Variants in LRRC9 observed in about 807,000 individuals in gnomAD.
The protein encoded by LRRC9 is leucine-rich repeat-containing protein 9.
LRRC9 carries 122 observed loss-of-function variants against 63.2 expected under a neutral mutation model. That is an observed-to-expected ratio of 1.93 (90% CI 1.67 to 2.24). The LOEUF (loss-of-function observed/expected upper bound fraction) is 2.24. Among genes scored for constraint, LRRC9 ranks in the 30% most tolerant of loss-of-function variants. LRRC9 has a pLI of 0.00. For missense variants in LRRC9, 1,071 were observed against 627.7 expected (o/e 1.71, Z -7.55); for synonymous variants, 366 against 213.1 (o/e 1.72, Z -6.25).
chr14:59,950,727 TA>T (rs1883025145), intron 8 of LRRC9, among the ~76,000 whole-genome samples: 2 of 117,780 alleles, frequency 1.7e-5, no homozygotes, highest in Non-Finnish European at 3.4e-5. Context: ...TGCTTGTCTG[TA>T]AAGTATTTTA....
chr14:60,040,589 T>G (rs1035913895), intron 29 of LRRC9, among the ~76,000 whole-genome samples: 5 of 152,034 alleles, frequency 3.3e-5, no homozygotes, highest in Middle Eastern at 3.4e-3. Flanking sequence ...AACCCCTGCA[T>G]TTTTTTGTTT....
chr14:60,047,494 A>T (rs1223986443), intron 29 of LRRC9, among the ~76,000 whole-genome samples: 1 of 152,152 alleles, frequency 6.6e-6, no homozygotes, highest in Non-Finnish European at 1.5e-5. Flanking sequence ...AAAAAAGCAA[A>T]GGTCACAATC....
chr14:59,962,103 T>C lies in LRRC9; in HGVS notation c.1211+1058T>C, dbSNP rs72718034. Among the ~76,000 whole-genome samples, 2,170 of 152,310 alleles carry C rather than the reference T, an allele frequency of 0.014. 30 individuals carry two copies. Among genetic ancestry groups the C allele is most frequent in the Non-Finnish European group, 0.02 (1,349 of 68,020 alleles). Reference sequence around the variant, plus strand: ...CCCCTGATTTCTATTAGACATGGCTTTTTTCTCACCTCTGTGAGTAAAAGC... The same window carrying C: ...CCCCTGATTTCTATTAGACATGGCTCTTTTCTCACCTCTGTGAGTAAAAGC... On this transcript the variant is annotated intron_variant, in intron 10 of 31. Coordinates refer to ENST00000445360, the Ensembl canonical transcript of LRRC9. The surrounding 1 kb of genome is among the most constrained non-coding windows in gnomAD (Gnocchi z 5.1).
chr14:60,058,904 T>C lies in LRRC9; in HGVS notation c.4276+882T>C, dbSNP rs977210537. Among the ~76,000 whole-genome samples the C allele has an allele frequency of 2.6e-5, 4 of 152,226 alleles. No individual in the cohort carries two copies. Among genetic ancestry groups the C allele is most frequent in the Admixed American group, 6.5e-5 (1 of 15,286 alleles). On this transcript the variant is annotated intron_variant, in intron 31 of 31. Coordinates refer to ENST00000445360, the Ensembl canonical transcript of LRRC9. This position sits in a 1 kb window ranked among gnomAD's most constrained non-coding sequence, Gnocchi z 4.4. Reference sequence around the variant, plus strand: ...TATATTTTCTCATTTTTCATACTTATATGGCATTATGACTTCCAGGTTTTA... The same window carrying C: ...TATATTTTCTCATTTTTCATACTTACATGGCATTATGACTTCCAGGTTTTA...
chr14:60,052,986 T>C (rs1293822809), intron 29 of LRRC9, 79 bp from the exon 30 acceptor site: 2 of 582,054 alleles, frequency 3.4e-6, no homozygotes, highest in Non-Finnish European at 6.2e-6. Flanking sequence ...TTGCCTATGC[T>C]AAATTTCCTT....
At chr14:59,943,869 G>C (rs1882055016) in intron 7 of LRRC9, among the ~76,000 whole-genome samples, 1 of 151,866 alleles carries the variant, frequency 6.6e-6, no homozygotes, top group Admixed American at 6.6e-5. Context: ...CAACTTATTC[G>C]CTTTCATTAT....
At chr14:60,055,368 G>A (rs1894192832) in intron 30 of LRRC9, among the ~76,000 whole-genome samples, 1 of 152,146 alleles carries the variant, frequency 6.6e-6, no homozygotes, top group Non-Finnish European at 1.5e-5. Flanking sequence ...TTTCAAAAGA[G>A]AGCAAATGGT....
At chr14:60,040,146 C>G (rs532082858) in intron 29 of LRRC9, among the ~76,000 whole-genome samples, 2 of 151,888 alleles carry the variant, frequency 1.3e-5, no homozygotes, top group African/African-American at 2.4e-5. Context: ...AATTTCTGTT[C>G]TTTTATATTT....
chr14:59,920,087 C>T (rs1888639878), intron 1 of LRRC9, 57 bp from the exon 1 acceptor site: 2 of 152,264 alleles, frequency 1.3e-5, no homozygotes, highest in South Asian at 4.1e-4. Context: ...TTCTCCTCCT[C>T]CCCACCCGGA....
At chr14:59,924,231 A>G (rs1889016488) in intron 1 of LRRC9, among the ~76,000 whole-genome samples, 1 of 152,180 alleles carries the variant, frequency 6.6e-6, no homozygotes, top group South Asian at 2.1e-4. Context: ...AATCCAGTAT[A>G]TAAGGGTTTC....
At chr14:60,023,442 G>A (rs539791370) in intron 27 of LRRC9, among the ~76,000 whole-genome samples, 6 of 151,926 alleles carry the variant, frequency 3.9e-5, no homozygotes, top group African/African-American at 1.2e-4. Flanking sequence ...TTGCAAGCAG[G>A]GGGAGGAGGA....
chr14:60,023,458 G>A (rs1891273325), intron 27 of LRRC9, among the ~76,000 whole-genome samples: 1 of 151,990 alleles, frequency 6.6e-6, no homozygotes, highest in African/African-American at 2.4e-5. Context: ...GAGGAAAAGA[G>A]TCACAGGACA....
intron 26 of LRRC9, among the ~76,000 whole-genome samples, chr14:60,021,914 G>T (rs1891145307): frequency 6.6e-6 from 1 of 151,836 alleles, no homozygotes; most frequent in Admixed American, 6.6e-5. Flanking sequence ...TAAAATCAGT[G>T]ATTTAAGCTC....
At chr14:60,062,229 G>C in intron 31 of LRRC9, 50 bp downstream of exon 32, 3 of 397,814 alleles carry the variant, frequency 7.5e-6, no homozygotes, top group Non-Finnish European at 1.3e-5. Flanking sequence ...CATTAAAAAA[G>C]TACTCTCCAT....
Position 59,964,302 on chromosome 14 carries a change from C to G in LRRC9, c.1212-2287C>G, listed in dbSNP as rs1429192837. On this transcript the variant is annotated intron_variant, in intron 10 of 31. Transcript: ENST00000445360. This position sits in a 1 kb window ranked among gnomAD's most constrained non-coding sequence, Gnocchi z 4.4. ...AGACTATCATAACTTCTGTTCAACTCTTTTAAAGTCAGCTGAACTGTGTAC... is the reference window on the plus strand; with the variant it reads ...AGACTATCATAACTTCTGTTCAACTGTTTTAAAGTCAGCTGAACTGTGTAC... Among the ~76,000 whole-genome samples the G allele has an allele frequency of 6.6e-6, 1 of 152,234 alleles. No individual in the cohort carries two copies.
intron 23 of LRRC9, among the ~76,000 whole-genome samples, chr14:60,009,111 C>G (rs1436396037): frequency 6.6e-6 from 1 of 152,144 alleles, no homozygotes; most frequent in Non-Finnish European, 1.5e-5. Context: ...TGTCCTATCT[C>G]TCTGTGCCTT....
At position 59,990,213 on chromosome 14, in the gene LRRC9, C is replaced by A; in HGVS notation, c.2211+4989C>A. Among the ~76,000 whole-genome samples, 1 of 152,100 alleles carries A rather than the reference C, an allele frequency of 6.6e-6. No homozygotes were observed. Reference sequence around the variant, plus strand: ...AAGTGCTGGGATTACAGGCATGAGCCGCTGTGCCCAGCCTAGATCTTCTTT... The same window carrying A: ...AAGTGCTGGGATTACAGGCATGAGCAGCTGTGCCCAGCCTAGATCTTCTTT... On this transcript the variant is annotated intron_variant, in intron 17 of 31. Coordinates refer to ENST00000445360, the Ensembl canonical transcript of LRRC9. The surrounding 1 kb of genome is among the most constrained non-coding windows in gnomAD (Gnocchi z 4.2).
At chr14:59,925,053 A>C in intron 1 of LRRC9, among the ~76,000 whole-genome samples, 1 of 151,302 alleles carries the variant, frequency 6.6e-6, no homozygotes. Context: ...TTTTCCTCCC[A>C]CCGCTGTCAT....
At chr14:59,992,440 C>T (rs544337258) in intron 17 of LRRC9, among the ~76,000 whole-genome samples, 86 of 152,102 alleles carry the variant, frequency 5.7e-4, no homozygotes, top group Non-Finnish European at 1.0e-3. Context: ...TCCTCACCAG[C>T]GATGGAACAA....
Sources: gnomAD v4.1 joint callset for allele counts (sites outside exome capture counted in the v4.1 genomes callset) on GRCh38, gnomAD v4.1.1 for gene constraint, Gnocchi (gnomAD v3.1) non-coding constraint, MANE v1.5 for transcripts, NCBI Gene and HGNC (gene_info 2026-07-23, HGNC 2026-07-21) for gene names.